Variants in SUCLG2 observed in about 807,000 individuals in gnomAD.
SUCLG2 encodes the protein succinate-CoA ligase GDP-forming subunit beta.
A neutral mutation model predicts 47.9 loss-of-function variants in SUCLG2; 42 were observed. That is an observed-to-expected ratio of 0.88 (90% CI 0.69 to 1.14). The LOEUF is 1.14. SUCLG2 is among the 50% of genes most tolerant of loss of function. The pLI is 0.00. For missense variants in SUCLG2, 571 were observed against 525.9 expected (o/e 1.09, Z -0.84); for synonymous variants, 195 against 197.3 (o/e 0.99, Z 0.10).
chr3:67,369,975 T>C (rs1028797579), downstream of SUCLG2, among the ~76,000 whole-genome samples: 8 of 152,350 alleles, frequency 5.3e-5, no homozygotes, highest in African/African-American at 1.9e-4. Flanking sequence ...CTTATATTTT[T>C]GTCAAACTTG....
intron 9 of SUCLG2, among the ~76,000 whole-genome samples, chr3:67,420,035 T>A (rs560909534): frequency 1.3e-5 from 2 of 152,336 alleles, no homozygotes; most frequent in South Asian, 4.1e-4. Context: ...GGCTTTGATA[T>A]GGGCAGCAGC....
chr3:67,618,638 C>G (rs1700674560), intron 1 of SUCLG2, among the ~76,000 whole-genome samples: 1 of 152,126 alleles, frequency 6.6e-6, no homozygotes, highest in African/African-American at 2.4e-5. Context: ...GACTTTTTCT[C>G]TTTTTAGTCA....
chr3:67,554,081 G>A (rs976656485), intron 2 of SUCLG2, among the ~76,000 whole-genome samples: 4 of 152,098 alleles, frequency 2.6e-5, no homozygotes, highest in East Asian at 1.9e-4. Flanking sequence ...TAGCCCTCTC[G>A]GTCGGGGTAG....
At chr3:67,515,187 A>G in intron 6 of SUCLG2, among the ~76,000 whole-genome samples, 1 of 152,222 alleles carries the variant, frequency 6.6e-6, no homozygotes, top group Middle Eastern at 3.2e-3. Context: ...GTTCTATTTC[A>G]TACTGTTGTT....
intron 10 of SUCLG2, among the ~76,000 whole-genome samples, chr3:67,395,476 T>A (rs1258824819): frequency 6.6e-6 from 1 of 152,142 alleles, no homozygotes; most frequent in Admixed American, 6.5e-5. Context: ...GAACTAACTA[T>A]CCTAAATATA....
chr3:67,555,221 A>C (rs115528587), intron 2 of SUCLG2, among the ~76,000 whole-genome samples: 238 of 152,332 alleles, frequency 1.6e-3, no homozygotes, highest in African/African-American at 5.5e-3. Flanking sequence ...TTTAGGAATG[A>C]AATTGGAAGT....
intron 9 of SUCLG2, among the ~76,000 whole-genome samples, chr3:67,474,929 C>G (rs1481661378): frequency 6.6e-6 from 1 of 151,958 alleles, no homozygotes; most frequent in Non-Finnish European, 1.5e-5. Context: ...CTTTCCCAAC[C>G]CTCAGAATTG....
At chr3:67,517,490 A>G (rs572884244) in intron 6 of SUCLG2, among the ~76,000 whole-genome samples, 5 of 152,136 alleles carry the variant, frequency 3.3e-5, no homozygotes, top group Non-Finnish European at 5.9e-5. Flanking sequence ...AGAGGAAGGA[A>G]CAAGTAAGTT....
intron 6 of SUCLG2, chr3:67,514,365 C>T (rs573726902): frequency 2.2e-5 from 7 of 320,276 alleles, no homozygotes; most frequent in Admixed American, 1.7e-4. Flanking sequence ...TGAAATAAAT[C>T]GTCTATTAAT....
At chr3:67,366,566 C>A (rs549298065) in intron 10 of SUCLG2, among the ~76,000 whole-genome samples, 6 of 152,172 alleles carry the variant, frequency 3.9e-5, no homozygotes, top group Non-Finnish European at 7.3e-5. Flanking sequence ...TAATCAGCTA[C>A]ATTTTCCAAG....
downstream of SUCLG2, among the ~76,000 whole-genome samples, chr3:67,369,775 T>G (rs554446177): frequency 5.0e-4 from 76 of 152,330 alleles, no homozygotes; most frequent in Admixed American, 1.6e-3. Flanking sequence ...CCTTTGCTTC[T>G]GTCACATAGA....
intron 1 of SUCLG2, among the ~76,000 whole-genome samples, chr3:67,617,584 T>A (rs1700653294): frequency 6.6e-6 from 1 of 152,154 alleles, no homozygotes; most frequent in Admixed American, 6.6e-5. Context: ...ACTTGGGTTC[T>A]CCCTGTTTTG....
At chr3:67,617,377 C>T (rs1164614052) in intron 1 of SUCLG2, among the ~76,000 whole-genome samples, 1 of 152,090 alleles carries the variant, frequency 6.6e-6, no homozygotes, top group Non-Finnish European at 1.5e-5. Context: ...GAAAAGTAAT[C>T]ATCGGGATTA....
intron 10 of SUCLG2, among the ~76,000 whole-genome samples, chr3:67,394,252 G>A (rs555741967): frequency 1.3e-5 from 2 of 151,976 alleles, no homozygotes; most frequent in East Asian, 3.9e-4. Flanking sequence ...CAAACCAAAG[G>A]CAAAGAAGTT....
At chr3:67,589,116 C>T (rs944424070) in intron 2 of SUCLG2, among the ~76,000 whole-genome samples, 1 of 152,128 alleles carries the variant, frequency 6.6e-6, no homozygotes, top group Non-Finnish European at 1.5e-5. Context: ...TGTGATCCAC[C>T]CACTTGGAAT....
chr3:67,586,986 A>G (rs1708038209), intron 2 of SUCLG2, among the ~76,000 whole-genome samples: 2 of 152,208 alleles, frequency 1.3e-5, no homozygotes, highest in Admixed American at 6.5e-5. Context: ...CATGTTATAG[A>G]TAACAATTAA....
intron 2 of SUCLG2, among the ~76,000 whole-genome samples, chr3:67,590,452 G>T (rs372409084): frequency 1.3e-5 from 2 of 152,056 alleles, no homozygotes; most frequent in East Asian, 3.9e-4. Flanking sequence ...GGGTCATGGG[G>T]GAAGATCCCT....
intron 2 of SUCLG2, among the ~76,000 whole-genome samples, chr3:67,539,488 G>A (rs1706641606): frequency 6.6e-6 from 1 of 152,148 alleles, no homozygotes; most frequent in African/African-American, 2.4e-5. Flanking sequence ...TTTTAGCATC[G>A]ATGTTCATCA....
intron 9 of SUCLG2, among the ~76,000 whole-genome samples, chr3:67,407,848 CT>C (rs1559515059): frequency 6.6e-6 from 1 of 152,056 alleles, no homozygotes; most frequent in Non-Finnish European, 1.5e-5. Context: ...AACTGTTTTT[CT>C]TTTTTGTTGT....
Sources: allele counts gnomAD v4.1 joint callset (sites outside exome capture counted in the v4.1 genomes callset), GRCh38; gene constraint gnomAD v4.1.1; transcripts MANE v1.5; gene names NCBI Gene and HGNC (gene_info 2026-07-23, HGNC 2026-07-21).